AMZ1: variants seen among roughly 807,000 people sequenced by gnomAD.
AMZ1 encodes the protein archaemetzincin-1.
A neutral mutation model predicts 29.9 loss-of-function variants in AMZ1; 39 were observed. The observed-to-expected ratio is 1.30, with a 90% CI of 1.01 to 1.70. The LOEUF (loss-of-function observed/expected upper bound fraction) is 1.70. AMZ1 is among the 40% of genes most tolerant of loss of function. The pLI, the probability that AMZ1 is intolerant of heterozygous loss-of-function variation, is 0.00. For missense variants in AMZ1, 1,041 were observed against 680.6 expected, an observed-to-expected ratio of 1.53 and a Z score of -5.89; for synonymous variants, 458 against 304.0, an observed-to-expected ratio of 1.51 and a Z score of -5.27.
chr7:2,697,688 G>A (rs557597528), intron 1 of AMZ1, among the ~76,000 whole-genome samples: 1 of 152,302 alleles, frequency 6.6e-6, no homozygotes, highest in East Asian at 1.9e-4. Flanking sequence ...GCCTCCTGAA[G>A]TGCTGGGATT....
intron 4 of AMZ1, among the ~76,000 whole-genome samples, chr7:2,727,501 A>T (rs2969021): frequency 0.081 from 12,322 of 152,030 alleles, 690 homozygotes; most frequent in Non-Finnish European, 0.12. Flanking sequence ...TCAGCCTCCC[A>T]AGTAGCTGGC....
chr7:2,690,629 C>T (rs1290596117), intron 1 of AMZ1, among the ~76,000 whole-genome samples: 1 of 152,078 alleles, frequency 6.6e-6, no homozygotes, highest in Non-Finnish European at 1.5e-5. Context: ...TTGAGTTACC[C>T]ACGTGCCCGC....
intron 4 of AMZ1, chr7:2,730,878 A>C: frequency 2.9e-6 from 1 of 345,624 alleles, no homozygotes; most frequent in South Asian, 4.7e-5. Context: ...GCGTCAGAAA[A>C]AGAGGAACGT....
chr7:2,758,592 T>A (rs1484344232), intron 4 of AMZ1, among the ~76,000 whole-genome samples: 1 of 152,086 alleles, frequency 6.6e-6, no homozygotes, highest in Non-Finnish European at 1.5e-5. Context: ...GGGCCTGATC[T>A]AATCAGGGGA....
chr7:2,752,297 G>C (rs1791079742), intron 4 of AMZ1, among the ~76,000 whole-genome samples: 1 of 152,154 alleles, frequency 6.6e-6, no homozygotes, highest in African/African-American at 2.4e-5. Flanking sequence ...TCCTCAGTTT[G>C]ATAAAGGGCA....
chr7:2,739,450 G>A (rs1348549675), intron 4 of AMZ1, among the ~76,000 whole-genome samples: 1 of 152,088 alleles, frequency 6.6e-6, no homozygotes, highest in Non-Finnish European at 1.5e-5. Flanking sequence ...CTGTGGCACA[G>A]GCCAGTGCAA....
intron 4 of AMZ1, among the ~76,000 whole-genome samples, chr7:2,739,280 C>T (rs1197115758): frequency 6.6e-6 from 1 of 152,214 alleles, no homozygotes; most frequent in African/African-American, 2.4e-5. Context: ...TATCAGCCGC[C>T]ACTCCCACTG....
chr7:2,751,519 A>G (rs899549029), intron 4 of AMZ1, among the ~76,000 whole-genome samples: 5 of 152,220 alleles, frequency 3.3e-5, no homozygotes, highest in Admixed American at 2.0e-4. Context: ...GAGAAAGAAA[A>G]TAACAAAGAT....
Position 2,717,980 on chromosome 7 carries a change from G to A in AMZ1, c.*5102G>A, listed in dbSNP as rs193065680. Among the ~76,000 whole-genome samples, 255 of 152,300 alleles carry A rather than the reference G, an allele frequency of 1.7e-3. No homozygotes were observed. The highest frequency in any genetic ancestry group is 5.9e-3 in the African/African-American group (245 of 41,558). On this transcript the variant is annotated 3_prime_UTR_variant, in exon 7 of 7. Coordinates refer to ENST00000683327, the MANE Select transcript of AMZ1 (RefSeq NM_001384743.1). ...ATAGTCACCGGAGTCGAGCAAACAC[G>A]GCGGCCCCTGCCTCCCCCGGCGGCT... is the stretch of plus-strand genomic sequence containing the variant.
rs914438062 is a variant in AMZ1, at chr7:2,719,252, G to A, written c.*6374G>A. The stretch of plus-strand genomic sequence containing the variant: ...TCTTTATTCCTGCCATCCTCCGGCC[G>A]CCTCTCCCGCCTGCACCACTTGGAG... On this transcript the variant is annotated 3_prime_UTR_variant, in exon 7 of 7. Coordinates refer to ENST00000683327, the MANE Select transcript of AMZ1 (RefSeq NM_001384743.1). Among the ~76,000 whole-genome samples the A allele has an allele frequency of 6.6e-6, 1 of 152,148 alleles. No homozygotes were observed. Among genetic ancestry groups the A allele is most frequent in the Non-Finnish European group, 1.5e-5 (1 of 68,020 alleles).
intron 4 of AMZ1, among the ~76,000 whole-genome samples, chr7:2,751,355 C>T (rs568717699): frequency 7.3e-6 from 1 of 136,280 alleles, no homozygotes; most frequent in South Asian, 2.4e-4. Context: ...TGCACCACTG[C>T]AATCCAGTAT....
chr7:2,689,991 T>TGG (rs1787289561), intron 1 of AMZ1, among the ~76,000 whole-genome samples: 1 of 152,078 alleles, frequency 6.6e-6, no homozygotes, highest in Non-Finnish European at 1.5e-5. Context: ...CAGCTGACAG[T>TGG]GGGGACCGGG....
At chr7:2,743,416 A>T (rs1017698950) in intron 4 of AMZ1, among the ~76,000 whole-genome samples, 2 of 152,354 alleles carry the variant, frequency 1.3e-5, no homozygotes, top group South Asian at 4.1e-4. Flanking sequence ...GGCAAAAACA[A>T]TCAGAAGTTA....
intron 1 of AMZ1, among the ~76,000 whole-genome samples, chr7:2,692,740 A>T (rs2115059218): frequency 6.6e-6 from 1 of 152,040 alleles, no homozygotes; most frequent in East Asian, 1.9e-4. Flanking sequence ...GGAGTACCCC[A>T]CCCCTTGGCC....
At chr7:2,702,949 T>C (rs1218204964) in intron 3 of AMZ1, 60 bp downstream of exon 3, 25 of 1,505,078 alleles carry the variant, frequency 1.7e-5, no homozygotes, top group Non-Finnish European at 2.2e-5. Context: ...AAGGAAGAGG[T>C]GGGAGGAAGG....
intron 1 of AMZ1, among the ~76,000 whole-genome samples, chr7:2,693,352 A>C (rs1288067522): frequency 6.6e-6 from 1 of 151,842 alleles, no homozygotes; most frequent in Admixed American, 6.6e-5. Flanking sequence ...AGGTGCTGGG[A>C]TTACAGGTGT....
intron 1 of AMZ1, among the ~76,000 whole-genome samples, chr7:2,695,089 G>T (rs1461664242): frequency 1.3e-5 from 2 of 152,152 alleles, no homozygotes; most frequent in Non-Finnish European, 2.9e-5. Context: ...GGCTGACTTG[G>T]GTCTGTCCTC....
At chr7:2,688,888 G>T (rs930068755) in intron 1 of AMZ1, among the ~76,000 whole-genome samples, 3 of 152,250 alleles carry the variant, frequency 2.0e-5, no homozygotes, top group African/African-American at 7.2e-5. Flanking sequence ...AGGGGTGACA[G>T]AGAAATGGCA....
At chr7:2,726,319 C>G (rs967922616) in intron 4 of AMZ1, among the ~76,000 whole-genome samples, 1 of 152,222 alleles carries the variant, frequency 6.6e-6, no homozygotes, top group African/African-American at 2.4e-5. Context: ...ACAATCCTCA[C>G]CACATTAAAC....
Sources: allele counts gnomAD v4.1 joint callset (sites outside exome capture counted in the v4.1 genomes callset), GRCh38; gene constraint gnomAD v4.1.1; transcripts MANE v1.5; gene names NCBI Gene and HGNC (gene_info 2026-07-23, HGNC 2026-07-21).